PDE3A: variants seen among roughly 807,000 people sequenced by gnomAD.
PDE3A encodes cGMP-inhibited 3',5'-cyclic phosphodiesterase 3A.
A neutral mutation model predicts 98.3 loss-of-function variants in PDE3A; 43 were observed. The observed-to-expected ratio is 0.44, with a 90% CI of 0.34 to 0.56. The LOEUF (loss-of-function observed/expected upper bound fraction) is 0.56, where lower values mean the gene tolerates loss of function less well. Ranked by LOEUF, PDE3A falls within the 20% of genes least tolerant of loss-of-function variation. The pLI is 0.01. For synonymous variants in PDE3A, 663 were observed against 567.9 expected (o/e 1.17, Z -2.38); for missense variants, 1,427 against 1,440.7 (o/e 0.99, Z 0.15).
At position 20,512,923 on chromosome 12, in the gene PDE3A, T is replaced by C. The variant is rs191902457; in HGVS notation, c.961-43737T>C. Reference sequence around the variant, plus strand: ...ATAACCATTCAATAATGCCGTATTATTCATAATAGAAGTCACCAGATTCTT... The same window carrying C: ...ATAACCATTCAATAATGCCGTATTACTCATAATAGAAGTCACCAGATTCTT... On this transcript the variant is annotated intron_variant, in intron 1 of 15. Coordinates refer to ENST00000359062, the MANE Select transcript of PDE3A (RefSeq NM_000921.5). Among the ~76,000 whole-genome samples the C allele has an allele frequency of 3.3e-5, 5 of 152,274 alleles. No individual in the cohort carries two copies. The East Asian group carries it at 9.7e-4, about 29-fold the overall frequency.
intron 1 of PDE3A, among the ~76,000 whole-genome samples, chr12:20,458,129 ATTT>A (rs749240723): frequency 0.31 from 47,344 of 151,792 alleles, 8,235 homozygotes; most frequent in Non-Finnish European, 0.39. Flanking sequence ...TGCATTTATT[ATTT>A]ATAAAGCAGT....
At chr12:20,460,523 A>G (rs1945228259) in intron 1 of PDE3A, among the ~76,000 whole-genome samples, 1 of 152,228 alleles carries the variant, frequency 6.6e-6, no homozygotes, top group South Asian at 2.1e-4. Flanking sequence ...AGAATGCAAT[A>G]TGAAAAATTA....
intron 2 of PDE3A, among the ~76,000 whole-genome samples, chr12:20,598,626 C>A (rs1320983999): frequency 6.6e-6 from 1 of 152,082 alleles, no homozygotes; most frequent in Non-Finnish European, 1.5e-5. Context: ...TGGTCAGACA[C>A]AATATAGATT....
chr12:20,495,721 C>T (rs980769645), intron 1 of PDE3A, among the ~76,000 whole-genome samples: 3 of 152,012 alleles, frequency 2.0e-5, no homozygotes, highest in Admixed American at 2.0e-4. Context: ...ACAGAATATT[C>T]CTAGAAGTGG....
At chr12:20,496,010 AT>A (rs1255745326) in intron 1 of PDE3A, among the ~76,000 whole-genome samples, 1 of 152,250 alleles carries the variant, frequency 6.6e-6, no homozygotes, top group East Asian at 1.9e-4. Context: ...TCAGACTATA[AT>A]AATACTGAAT....
chr12:20,609,575 A>C (rs1448620771), intron 2 of PDE3A, among the ~76,000 whole-genome samples: 1 of 152,040 alleles, frequency 6.6e-6, no homozygotes, highest in Non-Finnish European at 1.5e-5. Context: ...ATGAAACCAC[A>C]AAAAACCCCA....
At chr12:20,411,000 TG>T in intron 1 of PDE3A, among the ~76,000 whole-genome samples, 1 of 152,328 alleles carries the variant, frequency 6.6e-6, no homozygotes, top group African/African-American at 2.4e-5. Context: ...CTTGTCAGGC[TG>T]GATCTCCTTA....
intron 15 of PDE3A, among the ~76,000 whole-genome samples, chr12:20,660,827 T>A (rs767612540): frequency 1.2e-4 from 19 of 152,178 alleles, no homozygotes; most frequent in Non-Finnish European, 1.2e-4. Context: ...GTCTCAGGTA[T>A]GTCTTTGTCA....
intron 15 of PDE3A, among the ~76,000 whole-genome samples, chr12:20,654,660 CTTTTTTTTTT>C (rs71442265): frequency 4.7e-5 from 4 of 85,856 alleles, no homozygotes; most frequent in African/African-American, 1.8e-4. Context: ...CTACACCCGG[CTTTTTTTTTT>C]TTTTTTTTTT....
intron 1 of PDE3A, among the ~76,000 whole-genome samples, chr12:20,452,833 G>T (rs1008927825): frequency 6.6e-6 from 1 of 152,126 alleles, no homozygotes; most frequent in African/African-American, 2.4e-5. Flanking sequence ...ACACTGAATG[G>T]CTTCTGACCC....
At chr12:20,565,070 A>G (rs1012759428) in intron 2 of PDE3A, among the ~76,000 whole-genome samples, 18 of 152,122 alleles carry the variant, frequency 1.2e-4, no homozygotes, top group African/African-American at 4.3e-4. Context: ...ACTTTAAGCC[A>G]CAGTTTCTGA....
intron 1 of PDE3A, among the ~76,000 whole-genome samples, chr12:20,502,130 T>A (rs1946036155): frequency 6.6e-6 from 1 of 152,180 alleles, no homozygotes; most frequent in Non-Finnish European, 1.5e-5. Flanking sequence ...TTTGTATGAA[T>A]TACTGTATCA....
chr12:20,501,283 C>T (rs1946020259), intron 1 of PDE3A, among the ~76,000 whole-genome samples: 1 of 152,098 alleles, frequency 6.6e-6, no homozygotes, highest in African/African-American at 2.4e-5. Flanking sequence ...TTTGTTAAGT[C>T]AAAGGAAGTA....
At chr12:20,488,879 CAA>C (rs5796863) in intron 1 of PDE3A, among the ~76,000 whole-genome samples, 221 of 118,888 alleles carry the variant, frequency 1.9e-3, no homozygotes, top group African/African-American at 3.0e-3. Flanking sequence ...TCCCTGTCTC[CAA>C]AAAAAAAAAA....
At chr12:20,541,031 A>C (rs987581595) in intron 1 of PDE3A, among the ~76,000 whole-genome samples, 4 of 147,166 alleles carry the variant, frequency 2.7e-5, no homozygotes, top group African/African-American at 1.0e-4. Context: ...TATCCTATTA[A>C]GTGTATATTA....
At chr12:20,669,067 G>C (rs963822823) in intron 15 of PDE3A, among the ~76,000 whole-genome samples, 1 of 151,946 alleles carries the variant, frequency 6.6e-6, no homozygotes, top group African/African-American at 2.4e-5. Context: ...AGCCTCAGGA[G>C]CCGATGTGAT....
intron 1 of PDE3A, among the ~76,000 whole-genome samples, chr12:20,507,538 T>C (rs1195500343): frequency 6.6e-6 from 1 of 152,080 alleles, no homozygotes; most frequent in Admixed American, 6.6e-5. Context: ...CACACTCATA[T>C]ATCCAATTGC....
At position 20,492,048 on chromosome 12, in the gene PDE3A, T is replaced by G. The variant is rs867962823; in HGVS notation, c.961-64612T>G. 4.2e-4 allele frequency among the ~76,000 whole-genome samples: 64 copies of G among 152,220 alleles called. No individual in the cohort carries two copies. In the Middle Eastern group the frequency reaches 0.01, roughly 24 times the overall value. On this transcript the variant is annotated intron_variant, in intron 1 of 15. Coordinates refer to ENST00000359062, the MANE Select transcript of PDE3A (RefSeq NM_000921.5). ...CAGGCTGGAGTGTAGTGGTGCGATCTCAGCTCACTGCAACCTCCATCTCCC... is the reference window on the plus strand; with the variant it reads ...CAGGCTGGAGTGTAGTGGTGCGATCGCAGCTCACTGCAACCTCCATCTCCC...
chr12:20,445,175 A>G (rs1221279162), intron 1 of PDE3A, among the ~76,000 whole-genome samples: 1 of 152,182 alleles, frequency 6.6e-6, no homozygotes, highest in Non-Finnish European at 1.5e-5. Flanking sequence ...TACTGCTTAC[A>G]GTAGAAACAA....
Sources: allele counts gnomAD v4.1 joint callset (sites outside exome capture counted in the v4.1 genomes callset), GRCh38; gene constraint gnomAD v4.1.1; transcripts MANE v1.5; gene names NCBI Gene and HGNC (gene_info 2026-07-23, HGNC 2026-07-21).